Variants in KLHL10 observed in about 807,000 individuals in gnomAD.
KLHL10 encodes kelch-like protein 10.
A neutral mutation model predicts 46.6 loss-of-function variants in KLHL10; 11 were observed. The ratio of observed to expected loss-of-function variants is 0.24; its 90% confidence interval spans 0.15 to 0.39. The LOEUF (loss-of-function observed/expected upper bound fraction) is 0.39. Among genes scored for constraint, KLHL10 ranks in the 10% least tolerant of loss-of-function variants. The pLI, the probability that KLHL10 is intolerant of heterozygous loss-of-function variation, is 1.00. For synonymous variants in KLHL10, 254 were observed against 279.1 expected, an observed-to-expected ratio of 0.91 and a Z score of 0.90; for missense variants, 475 against 789.8, an observed-to-expected ratio of 0.60 and a Z score of 4.78.
rs200952142 is a variant in KLHL10, at chr17:41,848,233, C to A, written c.1753C>A (p.Arg585=). The A allele has an allele frequency of 1.1e-5, 18 of 1,613,964 alleles. No individual in the cohort carries two copies. The highest frequency in any genetic ancestry group is 1.5e-5 in the Non-Finnish European group (18 of 1,179,936). The part of the protein sequence containing the change: ...LANVEEYAAR[R]DNFPGLALRD... The stretch of plus-strand genomic sequence containing the variant: ...CAATGTTGAGGAATATGCAGCTAGA[C>A]GGGACAACTTCCCAGGATTAGCACT... Residue 585 remains arginine (R), a synonymous_variant, in exon 5 of 5, where the codon CGG becomes AGG. Transcript: ENST00000293303.
chr17:41,847,572 C>G (rs1567871038), intron 4 of KLHL10, among the ~76,000 whole-genome samples, 162 bp downstream of exon 4: 2 of 151,224 alleles, frequency 1.3e-5, no homozygotes, highest in South Asian at 2.1e-4. Context: ...GTGGCAGGAT[C>G]TCGGCTCACT....
chr17:41,842,761 A>C (rs1246111984), intron 2 of KLHL10, among the ~76,000 whole-genome samples: 4 of 152,006 alleles, frequency 2.6e-5, no homozygotes, highest in African/African-American at 9.7e-5. Flanking sequence ...AACATGGTGA[A>C]ACCCCATCTC....
upstream of KLHL10, chr17:41,837,763 C>G: frequency 7.0e-7 from 1 of 1,434,068 alleles, no homozygotes; most frequent in Non-Finnish European, 9.1e-7. Flanking sequence ...CCTGAGAGCA[C>G]AATCCTGTGT....
chr17:41,846,943 C>T (rs911023415), intron 3 of KLHL10, among the ~76,000 whole-genome samples: 3 of 152,078 alleles, frequency 2.0e-5, no homozygotes, highest in Non-Finnish European at 4.4e-5. Context: ...GGTGAAACCT[C>T]GTCTCTACTA....
chr17:41,840,080 C>T (rs766222736), intron 1 of KLHL10, among the ~76,000 whole-genome samples: 4 of 152,198 alleles, frequency 2.6e-5, no homozygotes, highest in Non-Finnish European at 5.9e-5. Context: ...ATCCGCCTGC[C>T]TCAGCCTCCC....
Position 41,837,955 on chromosome 17 carries a change from C to T in KLHL10, c.23C>T (p.Ala8Val). 1.2e-6 allele frequency: 2 copies of T among 1,614,050 alleles called. No homozygotes were observed. Among genetic ancestry groups the T allele is most frequent in the East Asian group, 2.2e-5 (1 of 44,874 alleles). MEMESAA[A>V]STRFHQPHME... is the part of the protein sequence containing the mutation. ...GCCATGGAGATGGAGAGCGCGGCGG[C>T]CTCCACACGTTTCCACCAGCCTCAC... Residue 8 changes from alanine (A) to valine (V), a missense_variant, in exon 1 of 5, where the codon GCC becomes GTC. Coordinates refer to ENST00000293303, the MANE Select transcript of KLHL10 (RefSeq NM_152467.5).
chr17:41,844,407 T>A lies in KLHL10; in HGVS notation c.685-719T>A, dbSNP rs528053793. Among the ~76,000 whole-genome samples, 603 of 151,906 alleles carry A rather than the reference T, an allele frequency of 4.0e-3. 3 individuals carry two copies. Among genetic ancestry groups the A allele is most frequent in the African/African-American group, 0.014 (577 of 41,416 alleles). On this transcript the variant is annotated intron_variant, in intron 2 of 4. Transcript: ENST00000293303. ...CACCACGCCCAGCTAATTTTTGTAT[T>A]TTTAGTAGAGATGGGGGTTTCACCA...
upstream of KLHL10, chr17:41,836,442 T>C (rs2048161495): frequency 1.0e-6 from 1 of 984,902 alleles, no homozygotes; most frequent in Admixed American, 6.2e-5. Context: ...GGTGTTGGGG[T>C]TACGTGGGTA....
chr17:41,841,757 T>C (rs2048228480), intron 1 of KLHL10, 66 bp from the exon 2 acceptor site: 2 of 1,604,180 alleles, frequency 1.2e-6, no homozygotes, highest in African/African-American at 1.3e-5. Flanking sequence ...CTCAGACCAT[T>C]TCCAATGTAC....
intron 2 of KLHL10, among the ~76,000 whole-genome samples, chr17:41,843,638 G>A (rs1259340523): frequency 1.3e-5 from 2 of 152,042 alleles, no homozygotes; most frequent in African/African-American, 4.8e-5. Flanking sequence ...TGGTCTAATA[G>A]TACTGACCAC....
chr17:41,838,633 C>T lies in KLHL10; in HGVS notation c.194+507C>T, dbSNP rs1175699972. 3.0e-3 allele frequency among the ~76,000 whole-genome samples: 410 copies of T among 138,654 alleles called. 1 individual carries two copies. Among genetic ancestry groups the T allele is most frequent in the African/African-American group, 9.6e-3 (360 of 37,394 alleles). 91.0% of individuals were successfully genotyped at this position (138,654 alleles called of 152,430 possible). ...ACTAGGGTCAGGGCCTTTTTTCTCT[C>T]TTTTTTTTTTTTGTTTGTTTTGTTT... On this transcript the variant is annotated intron_variant, in intron 1 of 4. Coordinates refer to ENST00000293303, the MANE Select transcript of KLHL10 (RefSeq NM_152467.5).
chr17:41,847,475 T>C (rs1555621585), intron 4 of KLHL10, 65 bp downstream of exon 4: 1 of 1,589,612 alleles, frequency 6.3e-7, no homozygotes. Context: ...TATTAGTAAA[T>C]GGGTTTATGC....
Position 41,842,178 on chromosome 17 carries a change from A to G in KLHL10, c.550A>G (p.Thr184Ala). 1 of 1,614,208 alleles carries G rather than the reference A, an allele frequency of 6.2e-7. No homozygotes were observed. Among genetic ancestry groups the G allele is most frequent in the Non-Finnish European group, 8.5e-7 (1 of 1,180,046 alleles). ...VSAEFLELSVTELKDIIEKDE... is the reference protein window; with the variant it reads ...VSAEFLELSVAELKDIIEKDE... ...GGCAGAATTTTTAGAGCTCTCGGTC[A>G]CTGAACTTAAGGATATCATTGAGAA... Residue 184 changes from threonine (T) to alanine (A), a missense_variant, in exon 2 of 5, where the codon ACT becomes GCT. By Grantham distance (58) the Thr-to-Ala change is moderately conservative (BLOSUM62 0). Transcript: ENST00000293303.
intron 1 of KLHL10, among the ~76,000 whole-genome samples, chr17:41,841,537 ACT>A (rs1281935490): frequency 2.6e-5 from 4 of 151,468 alleles, no homozygotes; most frequent in Admixed American, 2.0e-4. Context: ...CTGGTCTTGA[ACT>A]CCTGACCTCA....
chr17:41,839,997 A>G (rs1456028881), intron 1 of KLHL10, among the ~76,000 whole-genome samples: 2 of 151,906 alleles, frequency 1.3e-5, no homozygotes, highest in Non-Finnish European at 2.9e-5. Context: ...CTCCTGCCTC[A>G]GCCTCCCGAG....
chr17:41,845,847 C>T (rs782118687), intron 3 of KLHL10, 104 bp downstream of exon 3: 1 of 1,353,518 alleles, frequency 7.4e-7, no homozygotes, highest in Non-Finnish European at 1.0e-6. Flanking sequence ...GCAGTATTCA[C>T]TTTGGAGTAC....
chr17:41,844,929 CCTG>C (rs1555621131), intron 2 of KLHL10, among the ~76,000 whole-genome samples, 194 bp from the exon 3 acceptor site: 1 of 152,142 alleles, frequency 6.6e-6, no homozygotes, highest in East Asian at 1.9e-4. Flanking sequence ...AAGTGATCCA[CCTG>C]CTTTGGCCTC....
chr17:41,838,203 C>T (rs2048188737), intron 1 of KLHL10, 77 bp downstream of exon 1: 5 of 1,239,906 alleles, frequency 4.0e-6, no homozygotes, highest in Non-Finnish European at 5.9e-6. Context: ...TTTCTGTTTC[C>T]CACCCCATCA....
chr17:41,848,050 G>C lies in KLHL10; in HGVS notation c.1570G>C (p.Val524Leu). 2 of 1,614,212 alleles carry C rather than the reference G, an allele frequency of 1.2e-6. No individual in the cohort carries two copies. Among genetic ancestry groups the C allele is most frequent in the Non-Finnish European group, 1.7e-6 (2 of 1,180,036 alleles). The change falls in exon 5 of 5, where the codon GTG becomes CTG. Residue 524 changes from valine (V) to leucine (L), a missense_variant. Transcript: ENST00000293303. ...FNPRSNFGIE[V>L]VDDLLFVVGG... ...TCCTCGTAGCAATTTTGGCATCGAG[G>C]TGGTGGATGACCTCTTGTTTGTGGT...
Sources: gnomAD v4.1 joint callset for allele counts (sites outside exome capture counted in the v4.1 genomes callset) on GRCh38, gnomAD v4.1.1 for gene constraint, MANE v1.5 for transcripts, NCBI Gene and HGNC (gene_info 2026-07-23, HGNC 2026-07-21) for gene names.